INPP4B: variants seen among roughly 807,000 people sequenced by gnomAD.
The protein encoded by INPP4B is inositol polyphosphate 4-phosphatase type II.
A neutral mutation model predicts 122.5 loss-of-function variants in INPP4B; 55 were observed. The ratio of observed to expected loss-of-function variants is 0.45; its 90% confidence interval spans 0.36 to 0.56. The LOEUF (loss-of-function observed/expected upper bound fraction) is 0.56, where lower values mean the gene tolerates loss of function less well. Ranked by LOEUF, INPP4B falls within the 20% of genes least tolerant of loss-of-function variation. The pLI is 0.00. For synonymous variants in INPP4B, 403 were observed against 388.7 expected, an observed-to-expected ratio of 1.04 and a Z score of -0.43; for missense variants, 1,000 against 1,097.7, an observed-to-expected ratio of 0.91 and a Z score of 1.26.
At chr4:142,246,013 C>CATTATATAT (rs1728319913) in intron 11 of INPP4B, among the ~76,000 whole-genome samples, 7 of 139,332 alleles carry the variant, frequency 5.0e-5, no homozygotes, top group Admixed American at 2.8e-4. Context: ...TGTATACACA[C>CATTATATAT]ATGTGTGTAT....
chr4:142,579,506 A>T (rs1325254156), intron 2 of INPP4B, among the ~76,000 whole-genome samples: 2 of 152,018 alleles, frequency 1.3e-5, no homozygotes, highest in Non-Finnish European at 2.9e-5. Context: ...GATGAGATTA[A>T]CATTTAAATT....
chr4:142,231,681 A>T (rs1011132887), intron 12 of INPP4B, among the ~76,000 whole-genome samples: 2 of 152,172 alleles, frequency 1.3e-5, no homozygotes, highest in Admixed American at 1.3e-4. Flanking sequence ...GCAGCCTTTT[A>T]AATTCTCCCT....
At chr4:142,343,535 T>C (rs1779337633) in intron 7 of INPP4B, among the ~76,000 whole-genome samples, 1 of 151,964 alleles carries the variant, frequency 6.6e-6, no homozygotes, top group Non-Finnish European at 1.5e-5. Context: ...TTTAAATTGG[T>C]CTTTTACCAA....
intron 21 of INPP4B, 30 bp downstream of exon 21, chr4:142,122,098 C>T (rs1367994614): frequency 2.1e-6 from 3 of 1,401,322 alleles, no homozygotes; most frequent in African/African-American, 2.9e-5. Context: ...TCTAACAAAG[C>T]CTGGTCTTCA....
intron 1 of INPP4B, among the ~76,000 whole-genome samples, chr4:142,840,707 G>A (rs1476020442): frequency 2.0e-5 from 3 of 152,050 alleles, no homozygotes; most frequent in African/African-American, 7.2e-5. Flanking sequence ...AGGTTTCTAA[G>A]CATTGCACAC....
chr4:142,277,703 ACAC>A (rs1179382641), intron 9 of INPP4B, among the ~76,000 whole-genome samples: 1 of 151,438 alleles, frequency 6.6e-6, no homozygotes, highest in Non-Finnish European at 1.5e-5. Flanking sequence ...ACACACACAC[ACAC>A]ACCATGGAAT....
chr4:142,698,002 C>T (rs1185797538), intron 2 of INPP4B, among the ~76,000 whole-genome samples: 1 of 152,082 alleles, frequency 6.6e-6, no homozygotes, highest in African/African-American at 2.4e-5. Context: ...AGGTTAGCTT[C>T]TTATAATATG....
intron 1 of INPP4B, among the ~76,000 whole-genome samples, chr4:142,827,867 A>G (rs867737513): frequency 6.6e-6 from 1 of 152,198 alleles, no homozygotes; most frequent in African/African-American, 2.4e-5. Flanking sequence ...GGTGAAAAAT[A>G]CCAAAACAAT....
chr4:142,722,014 C>T (rs1402472938), intron 2 of INPP4B, among the ~76,000 whole-genome samples: 1 of 151,966 alleles, frequency 6.6e-6, no homozygotes, highest in East Asian at 1.9e-4. Context: ...GAAAAGTAAA[C>T]GTGGCTGGCA....
At chr4:142,638,311 T>A (rs1191998239) in intron 2 of INPP4B, among the ~76,000 whole-genome samples, 3 of 152,186 alleles carry the variant, frequency 2.0e-5, no homozygotes, top group Non-Finnish European at 4.4e-5. Context: ...CTTCTAGGCA[T>A]TTTATAGTTT....
chr4:142,689,380 C>G (rs1759831965), intron 2 of INPP4B, among the ~76,000 whole-genome samples: 1 of 152,166 alleles, frequency 6.6e-6, no homozygotes, highest in African/African-American at 2.4e-5. Context: ...GACTAGCACC[C>G]AGGACCATAC....
At chr4:142,271,114 C>A (rs1415954039) in intron 9 of INPP4B, among the ~76,000 whole-genome samples, 1 of 143,702 alleles carries the variant, frequency 7.0e-6, no homozygotes, top group African/African-American at 2.6e-5. Context: ...CAGGCATGTG[C>A]CACCATGCCT....
chr4:142,655,338 A>C (rs560979113), intron 2 of INPP4B, among the ~76,000 whole-genome samples: 23 of 152,318 alleles, frequency 1.5e-4, no homozygotes, highest in Non-Finnish European at 3.1e-4. Flanking sequence ...GGAATAGATT[A>C]AAATTTTCCA....
chr4:142,410,128 C>T (rs1357547516), intron 5 of INPP4B, among the ~76,000 whole-genome samples: 1 of 152,184 alleles, frequency 6.6e-6, no homozygotes, highest in East Asian at 1.9e-4. Context: ...CATCAGAGAG[C>T]TCAGTCTCAG....
intron 5 of INPP4B, among the ~76,000 whole-genome samples, chr4:142,419,875 CTGGTGGCTTTTGAT>C (rs1177120887): frequency 1.3e-5 from 2 of 152,078 alleles, no homozygotes; most frequent in African/African-American, 4.8e-5. Context: ...TCTCCCAACC[CTGGTGGCTTTTGAT>C]TTTACAGAAA....
intron 1 of INPP4B, among the ~76,000 whole-genome samples, chr4:142,786,326 G>A (rs1291689232): frequency 6.6e-6 from 1 of 152,114 alleles, no homozygotes; most frequent in Non-Finnish European, 1.5e-5. Flanking sequence ...ACAAGTTAAA[G>A]AGCTCCGTTT....
chr4:142,391,392 T>C (rs2148993336), intron 7 of INPP4B, among the ~76,000 whole-genome samples: 1 of 152,168 alleles, frequency 6.6e-6, no homozygotes, highest in African/African-American at 2.4e-5. Flanking sequence ...AACCCAACTC[T>C]ACTAAAAAAC....
intron 1 of INPP4B, among the ~76,000 whole-genome samples, chr4:142,837,521 T>G (rs996631806): frequency 6.6e-6 from 1 of 152,188 alleles, no homozygotes; most frequent in African/African-American, 2.4e-5. Flanking sequence ...ATGAAAATAT[T>G]GTCCTCCCTT....
Position 142,773,955 on chromosome 4 carries a change from T to C in INPP4B, c.-253-48054A>G, listed in dbSNP as rs201297450. Among the ~76,000 whole-genome samples, 24 of 152,196 alleles carry C rather than the reference T, an allele frequency of 1.6e-4. No homozygotes were observed. The East Asian group carries it at 4.1e-3, about 26-fold the overall frequency. ...TGGCCTCAAGCATCATTTTACCAGA[T>C]AGTATTTAAAACTGAGATGATAACA... On this transcript the variant is annotated intron_variant, in intron 1 of 25. Transcript: ENST00000262992.
Sources: allele counts gnomAD v4.1 joint callset (sites outside exome capture counted in the v4.1 genomes callset), GRCh38; gene constraint gnomAD v4.1.1; transcripts MANE v1.5; gene names NCBI Gene and HGNC (gene_info 2026-07-23, HGNC 2026-07-21).